Variants in GTPBP6 observed in about 807,000 individuals in gnomAD.
The protein encoded by GTPBP6 is GTP binding protein 6.
A neutral mutation model predicts 28.9 loss-of-function variants in GTPBP6; 33 were observed. The ratio of observed to expected loss-of-function variants is 1.14; its 90% confidence interval spans 0.87 to 1.53. GTPBP6 has a LOEUF of 1.53. GTPBP6 is among the 40% of genes most tolerant of loss of function. The probability of loss-of-function intolerance (pLI) is 0.00; values close to 1 mark genes in which losing one functional copy is unlikely to be tolerated. For synonymous variants in GTPBP6, 231 were observed against 192.7 expected, an observed-to-expected ratio of 1.20 and a Z score of -1.65; for missense variants, 507 against 408.3, an observed-to-expected ratio of 1.24 and a Z score of -2.08.
intron 2 of GTPBP6, among the ~76,000 whole-genome samples, chrX:316,672 C>A (rs2070446080): frequency 6.6e-6 from 1 of 152,142 alleles, no homozygotes; most frequent in African/African-American, 2.4e-5. Flanking sequence ...ATAAACTGCC[C>A]CGACCTAATC....
rs1357467563 is a variant in GTPBP6 at position 307,359 on chromosome X, C to T, written c.1427+1G>A. The T allele has an allele frequency of 1.2e-6, 2 of 1,611,768 alleles. No individual in the cohort carries two copies. Among genetic ancestry groups the T allele is most frequent in the African/African-American group, 2.7e-5 (2 of 74,914 alleles). Reference sequence around the variant, plus strand: ...GTCTCCTGCCCCTGCAGGCCGCTCACCTGAGCTGCGCCCCTGCGAGCCTCA... The same window carrying T: ...GTCTCCTGCCCCTGCAGGCCGCTCATCTGAGCTGCGCCCCTGCGAGCCTCA... On this transcript the variant is annotated splice_donor_variant, in intron 9 of 9. Transcript: ENST00000326153. LOFTEE classifies it high-confidence loss of function.
At chrX:314,346 C>T (rs1201195025) in intron 4 of GTPBP6, 129 bp from the exon 5 acceptor site, 49 of 774,950 alleles carry the variant, frequency 6.3e-5, no homozygotes, top group African/African-American at 1.7e-4. Flanking sequence ...GTTGCGGCCC[C>T]GCTCCGCGTG....
Position 304,805 on chromosome X carries a change from A to C in GTPBP6, c.*269T>G, listed in dbSNP as rs1045406155. ...CTGTTACGGAAACATTCCGAGGGAA[A>C]GCAGTTCACAGCAGGCACCGAGGGC... is the stretch of plus-strand genomic sequence containing the variant. On this transcript the variant is annotated 3_prime_UTR_variant, in exon 10 of 10. Transcript: ENST00000326153. 2.9e-6 allele frequency: 4 copies of C among 1,364,438 alleles called. No homozygotes were observed. The African/African-American group carries it at 4.4e-5, about 15-fold the overall frequency. 84.5% of individuals were successfully genotyped at this position (1,364,438 alleles called of 1,614,324 possible).
chrX:317,180 C>A (rs9652797), intron 1 of GTPBP6, 129 bp from the exon 2 acceptor site: 1 of 397,904 alleles, frequency 2.5e-6, no homozygotes, highest in Non-Finnish European at 4.4e-6. Context: ...CGCCGTTTGT[C>A]CCCCGATATG....
At chrX:307,433 C>T (rs377284005) in exon 9 of GTPBP6, 43 of 1,612,436 alleles carry the variant, frequency 2.7e-5, no homozygotes, top group East Asian at 2.0e-4. Flanking sequence ...ACCGCCGCAT[C>T]GAGCTCAGCT....
At chrX:311,082 C>T (rs945198095) in intron 7 of GTPBP6, among the ~76,000 whole-genome samples, 4 of 152,046 alleles carry the variant, frequency 2.6e-5, no homozygotes, top group African/African-American at 9.7e-5. Context: ...CCCTGAGTGT[C>T]GGTGAGGCTG....
At chrX:307,920 G>T in intron 7 of GTPBP6, 40 bp from the exon 8 acceptor site, 1 of 1,458,972 alleles carries the variant, frequency 6.9e-7, no homozygotes, top group Non-Finnish European at 9.0e-7. Context: ...CGGAGCCTCT[G>T]GTCCCTGACC....
Position 307,762 on chromosome X carries a change from T to G in GTPBP6, c.1244A>C (p.Glu415Ala), listed in dbSNP as rs1394039058. 2.6e-6 allele frequency: 4 copies of G among 1,514,610 alleles called. No homozygotes were observed. In the East Asian group the frequency reaches 7.2e-5, roughly 27 times the overall value. The allele number at this position is 1,514,610 out of a possible 1,614,324, so 93.8% of individuals were successfully genotyped here. A position where few individuals can be genotyped will look rare whatever the true frequency, so the allele number is the denominator to read the frequency against. The change falls in exon 8 of 10, where the codon GAG (glutamate) becomes GCG (alanine). Residue 415 changes from glutamate to alanine, a missense_variant. Transcript: ENST00000326153. ...CACGAGGTCCACCTTGTTGTGAACC[T>G]CCACCATGGAGTCCAGGAGCGGGGC... is the stretch of plus-strand genomic sequence containing the variant.
intron 9 of GTPBP6, among the ~76,000 whole-genome samples, chrX:307,001 A>G (rs1159702860): frequency 2.7e-5 from 4 of 149,406 alleles, no homozygotes; most frequent in South Asian, 2.1e-4. Context: ...GTACATTTTG[A>G]CTGTCAAGCA....
rs2070466978 is a variant in GTPBP6, at chrX:317,750, C to CCCCAT, written c.349+684_349+688dup. Among the ~76,000 whole-genome samples, 13 of 141,760 alleles carry CCCCAT rather than the reference C, an allele frequency of 9.2e-5. No homozygotes were observed. In the South Asian group the frequency reaches 2.8e-3, roughly 31 times the overall value. 93.0% of individuals were successfully genotyped at this position (141,760 alleles called of 152,430 possible). A position where few individuals can be genotyped will look rare whatever the true frequency, so the allele number is the denominator to read the frequency against. ...CACCCCACGGACCCCACGGGCCCCA[C>CCCCAT]CCCATCCCACGGACTCCACCCCATA... On this transcript the variant is annotated intron_variant, in intron 1 of 9. Coordinates refer to ENST00000326153, the Ensembl canonical transcript of GTPBP6.
exon 3 of GTPBP6, chrX:315,246 T>G (rs1369038517): frequency 0.093 from 37,252 of 398,490 alleles, 2,212 homozygotes; most frequent in Admixed American, 0.19. Flanking sequence ...GGGGCAGCCA[T>G]CCTCTCCACG....
intron 7 of GTPBP6, 60 bp downstream of exon 7, chrX:311,359 G>A (rs2070290647): frequency 7.8e-7 from 1 of 1,280,138 alleles, no homozygotes. Flanking sequence ...GTGTCTGAGT[G>A]CCCAGCCCCC....
intron 1 of GTPBP6, 36 bp downstream of exon 1, chrX:318,403 C>G: frequency 2.5e-6 from 1 of 398,540 alleles, no homozygotes; most frequent in Non-Finnish European, 4.4e-6. Context: ...AGGTCTCCAG[C>G]TCCTGTTTCT....
At chrX:317,020 C>T (rs1430991660) in exon 2 of GTPBP6, 3 of 398,450 alleles carry the variant, frequency 7.5e-6, no homozygotes, top group African/African-American at 4.1e-5. Flanking sequence ...GCGTGTGCAC[C>T]AGCGCTGTGG....
At chrX:318,604 C>T in exon 1 of GTPBP6, 1 of 397,534 alleles carries the variant, frequency 2.5e-6, no homozygotes, top group Admixed American at 4.4e-5. Context: ...CGGCTTCGGC[C>T]GCCGTCCGCC....
intron 9 of GTPBP6, among the ~76,000 whole-genome samples, chrX:306,729 C>T (rs2070175129): frequency 1.4e-5 from 2 of 142,066 alleles, no homozygotes; most frequent in South Asian, 4.5e-4. Context: ...CAGAAATGTA[C>T]ATTTTGGCTG....
At chrX:312,977 G>GAA in intron 5 of GTPBP6, 53 bp from the exon 6 acceptor site, 1 of 1,527,688 alleles carries the variant, frequency 6.5e-7, no homozygotes, top group Non-Finnish European at 8.9e-7. Flanking sequence ...AAAGGCACAA[G>GAA]TGCGGGCGGT....
chrX:310,223 A>C (rs2070256356), intron 7 of GTPBP6, among the ~76,000 whole-genome samples: 1 of 151,808 alleles, frequency 6.6e-6, no homozygotes, highest in Non-Finnish European at 1.5e-5. Flanking sequence ...AGATGAGATC[A>C]TCCTGGATTA....
At chrX:314,646 T>C (rs1394449422) in intron 4 of GTPBP6, among the ~76,000 whole-genome samples, 1 of 151,874 alleles carries the variant, frequency 6.6e-6, no homozygotes, top group East Asian at 1.9e-4. Flanking sequence ...CTAATTTTTT[T>C]CTTGTATTTT....
Sources: gnomAD v4.1 joint callset for allele counts (sites outside exome capture counted in the v4.1 genomes callset) on GRCh38, gnomAD v4.1.1 for gene constraint, MANE v1.5 for transcripts, NCBI Gene and HGNC (gene_info 2026-07-23, HGNC 2026-07-21) for gene names.